EXOSC8: variants seen among roughly 807,000 people sequenced by gnomAD.
EXOSC8 encodes the protein exosome component 8.
In EXOSC8, 37 loss-of-function variants were observed where a neutral mutation model predicts 39.9. The observed-to-expected ratio is 0.93, with a 90% CI of 0.71 to 1.22. EXOSC8 has a LOEUF of 1.22. Among genes scored for constraint, EXOSC8 ranks in the 50% most tolerant of loss-of-function variants. The pLI is 0.00. For synonymous variants in EXOSC8, 93 were observed against 109.5 expected (o/e 0.85, Z 0.94); for missense variants, 313 against 326.6 (o/e 0.96, Z 0.32).
chr13:37,009,410 T>C lies in EXOSC8; in HGVS notation c.*111T>C. The C allele has an allele frequency of 1.3e-6, 1 of 767,074 alleles. No individual in the cohort carries two copies. The highest frequency in any genetic ancestry group is 2.7e-5 in the East Asian group (1 of 37,344). 47.5% of individuals were successfully genotyped at this position (767,074 alleles called of 1,614,324 possible). A position where few individuals can be genotyped will look rare whatever the true frequency, so the allele number is the denominator to read the frequency against. ...ACTACATTCTTCTGAAAGATGTTTC[T>C]ATTATTTCTTAGGTCACTTCCATAT... On this transcript the variant is annotated 3_prime_UTR_variant, in exon 11 of 11. Coordinates refer to ENST00000389704, the MANE Select transcript of EXOSC8 (RefSeq NM_181503.3).
At chr13:37,003,634 C>T (rs531154834) in intron 4 of EXOSC8, 1 of 152,460 alleles carries the variant, frequency 6.6e-6, no homozygotes, top group African/African-American at 2.4e-5. Flanking sequence ...TTTCGTAAAC[C>T]TGGAGTGATG....
chr13:37,006,892 T>C (rs777294232), intron 7 of EXOSC8, 83 bp from the exon 8 acceptor site: 25 of 814,628 alleles, frequency 3.1e-5, no homozygotes, highest in Admixed American at 6.2e-5. Context: ...AACCAAGGGT[T>C]CTGTGGTTCT....
chr13:37,002,949 C>T lies in EXOSC8; in HGVS notation c.134C>T (p.Ala45Val). ...TTVNIGSIST[A>V]DGSALVKLGN... ...ATCTTTTCAGGTTCAATTAGTACCG[C>T]AGATGGTTCTGCTTTAGTGAAGTTG... The change falls in exon 4 of 11, where the codon GCA becomes GTA. Residue 45 changes from alanine (A) to valine (V), a missense_variant. Physicochemically the swap from Ala to Val is moderately conservative, Grantham distance 64. Transcript: ENST00000389704. 6.2e-7 allele frequency: 1 copy of T among 1,610,292 alleles called. No homozygotes were observed. The highest frequency in any genetic ancestry group is 1.1e-5 in the South Asian group (1 of 91,010).
At chr13:37,007,231 G>A (rs2059145250) in intron 8 of EXOSC8, among the ~76,000 whole-genome samples, 160 bp downstream of exon 8, 1 of 152,150 alleles carries the variant, frequency 6.6e-6, no homozygotes, top group Non-Finnish European at 1.5e-5. Context: ...TTCTCTAACT[G>A]AATGCTCTTT....
chr13:37,001,228 G>A (rs2059101579), intron 1 of EXOSC8, among the ~76,000 whole-genome samples: 3 of 152,142 alleles, frequency 2.0e-5, no homozygotes, highest in Admixed American at 6.5e-5. Flanking sequence ...GGTGTACATG[G>A]TGAAACACTG....
intron 8 of EXOSC8, among the ~76,000 whole-genome samples, chr13:37,007,518 T>C (rs2059150416): frequency 6.6e-6 from 1 of 152,216 alleles, no homozygotes; most frequent in South Asian, 2.1e-4. Context: ...CTTGTGCATA[T>C]TCCCTATCAT....
chr13:37,004,637 A>C (rs908689054), intron 5 of EXOSC8, 76 bp downstream of exon 5: 4 of 892,092 alleles, frequency 4.5e-6, no homozygotes, highest in Non-Finnish European at 7.0e-6. Context: ...GTCCTAGTTA[A>C]GTTGATGTAA....
chr13:37,005,804 C>T (rs2059134331), intron 5 of EXOSC8, 116 bp from the exon 6 acceptor site: 2 of 550,652 alleles, frequency 3.6e-6, no homozygotes, highest in Admixed American at 8.5e-5. Flanking sequence ...GTAGAGGTTG[C>T]AGTAAGCTGA....
At chr13:37,008,975 T>C in intron 10 of EXOSC8, 140 bp downstream of exon 10, 1 of 732,020 alleles carries the variant, frequency 1.4e-6, no homozygotes, top group South Asian at 1.6e-5. Flanking sequence ...AAAATGTTCT[T>C]CCATCTTAAT....
chr13:37,005,939 A>ATG lies in EXOSC8; in HGVS notation c.258_259insTG (p.Pro87CysfsTer33). 6.3e-7 allele frequency: 1 copy of ATG among 1,593,520 alleles called. No homozygotes were observed. ...TTTCAGTTCCTAATGTGGATCTACC[A>ATG]CCCCTGTGTTCATCGAGATTCCGGT... On this transcript the variant is annotated frameshift_variant, in exon 6 of 11. Transcript: ENST00000389704. LOFTEE classifies it high-confidence loss of function.
intron 3 of EXOSC8, 47 bp from the exon 4 acceptor site, chr13:37,002,887 G>A (rs748410545): frequency 2.4e-6 from 3 of 1,232,218 alleles, no homozygotes; most frequent in South Asian, 2.4e-5. Context: ...GGATAATTTT[G>A]TAGCTGTTTT....
intron 1 of EXOSC8, among the ~76,000 whole-genome samples, chr13:37,002,043 GCTCA>G (rs1473306841): frequency 1.3e-5 from 2 of 152,144 alleles, no homozygotes; most frequent in Non-Finnish European, 2.9e-5. Context: ...CTTTTAAAGA[GCTCA>G]CTCAAAGGGC....
intron 1 of EXOSC8, chr13:37,001,604 T>C (rs1319737473): frequency 6.6e-6 from 1 of 152,184 alleles, no homozygotes; most frequent in East Asian, 1.9e-4. Flanking sequence ...GAAATAGTTA[T>C]CTATGAGTAT....
Position 37,003,018 on chromosome 13 carries a change from A to G in EXOSC8, c.192+11A>G, listed in dbSNP as rs2138844775. On this transcript the variant is annotated intron_variant, in intron 4 of 10. Transcript: ENST00000389704. ...TGTGGAGTTAAAGCAGTAAGTCTAA[A>G]TATGTCCTATTGAGATTTGAGTTAC... is the stretch of plus-strand genomic sequence containing the variant. 1 of 1,489,072 alleles carries G rather than the reference A, an allele frequency of 6.7e-7. No homozygotes were observed. Among genetic ancestry groups the G allele is most frequent in the Non-Finnish European group, 9.4e-7 (1 of 1,066,644 alleles). The allele number at this position is 1,489,072 out of a possible 1,614,324, so 92.2% of individuals were successfully genotyped here.
intron 3 of EXOSC8, 93 bp downstream of exon 3, chr13:37,002,644 A>G: frequency 1.1e-6 from 1 of 906,488 alleles, no homozygotes; most frequent in Non-Finnish European, 1.7e-6. Context: ...TTCTTTGTCT[A>G]AAGGATTTGA....
intron 4 of EXOSC8, chr13:37,004,148 C>T (rs890917134): frequency 2.9e-4 from 48 of 163,382 alleles, no homozygotes; most frequent in Admixed American, 5.8e-4. Flanking sequence ...CTGGGATTAC[C>T]GGTGTGAGCC....
At position 37,005,914 on chromosome 13, in the gene EXOSC8, T is replaced by A; in HGVS notation, c.239-6T>A. The A allele has an allele frequency of 6.8e-7, 1 of 1,475,396 alleles. No homozygotes were observed. The allele number at this position is 1,475,396 out of a possible 1,614,324, so 91.4% of individuals were successfully genotyped here. A position where few individuals can be genotyped will look rare whatever the true frequency, so the allele number is the denominator to read the frequency against. On this transcript the variant is annotated splice_polypyrimidine_tract_variant and splice_region_variant and intron_variant, in intron 5 of 10. Transcript: ENST00000389704. The stretch of plus-strand genomic sequence containing the variant: ...TTAGTTCATAGCTGCAGAGTGTTTC[T>A]TTCAGTTCCTAATGTGGATCTACCA...
rs1476595806 is a variant in EXOSC8, at chr13:37,009,199, C to T, written c.731C>T (p.Thr244Ile). Reference protein sequence around the residue: ...CLHKPGGSGLTGAKLQDCMSR... With the variant: ...CLHKPGGSGLIGAKLQDCMSR... ...AATTTTTCAGGTGGAAGTGGGCTAACTGGAGCTAAACTTCAGGACTGTATG... is the reference window on the plus strand; with the variant it reads ...AATTTTTCAGGTGGAAGTGGGCTAATTGGAGCTAAACTTCAGGACTGTATG... Residue 244 changes from threonine (T) to isoleucine (I), a missense_variant, in exon 11 of 11, where the codon ACT (threonine) becomes ATT (isoleucine). Thr to Ile is a moderately conservative substitution (Grantham distance 89). Coordinates refer to ENST00000389704, the MANE Select transcript of EXOSC8 (RefSeq NM_181503.3). 1.9e-6 allele frequency: 3 copies of T among 1,610,042 alleles called. No homozygotes were observed. The highest frequency in any genetic ancestry group is 2.5e-6 in the Non-Finnish European group (3 of 1,178,160).
Position 37,009,150 on chromosome 13 carries a change from T to C in EXOSC8, c.716-34T>C, listed in dbSNP as rs200534584. 2.4e-4 allele frequency: 317 copies of C among 1,337,298 alleles called. 2 individuals are homozygous for C. The highest frequency in any genetic ancestry group is 4.8e-5 in the Non-Finnish European group (45 of 946,348). The allele number at this position is 1,337,298 out of a possible 1,614,324, so 82.8% of individuals were successfully genotyped here. On this transcript the variant is annotated intron_variant, in intron 10 of 10. Transcript: ENST00000389704. ...ATGTTTTTTGAAAAGGAATGATAAC[T>C]GAGATTAAAAGTATTGGCAAAATAA...
Sources: gnomAD v4.1 joint callset for allele counts (sites outside exome capture counted in the v4.1 genomes callset) on GRCh38, gnomAD v4.1.1 for gene constraint, MANE v1.5 for transcripts, NCBI Gene and HGNC (gene_info 2026-07-23, HGNC 2026-07-21) for gene names.